Variants in CD34 observed in about 807,000 individuals in gnomAD.
CD34 encodes CD34 molecule, also known as hematopoietic progenitor cell antigen CD34.
Under a neutral mutation model 40.1 loss-of-function variants are expected in CD34, and 34 were observed. The ratio of observed to expected loss-of-function variants is 0.85; its 90% CI spans 0.65 to 1.13. The LOEUF is 1.13. Among genes scored for constraint, CD34 ranks in the 50% most tolerant of loss-of-function variants. CD34 has a pLI of 0.00. For missense variants in CD34, 426 were observed against 466.9 expected (o/e 0.91, Z 0.81); for synonymous variants, 209 against 190.0 (o/e 1.10, Z -0.82).
At position 207,888,820 on chromosome 1, in the gene CD34, T is replaced by C. The variant is rs779955915; in HGVS notation, c.834A>G (p.Gln278=). 6.2e-7 allele frequency: 1 copy of C among 1,614,164 alleles called. No individual in the cohort carries two copies. The highest frequency in any genetic ancestry group is 1.1e-5 in the South Asian group (1 of 91,084). The stretch of plus-strand genomic sequence containing the variant: ...AATAGCTCTGGTGGCTTGCAACATC[T>C]TGCTCAGTGAAATCTAGGATCCCCA... ...KKLGILDFTE[Q]DVASHQSYSQ... is the part of the protein sequence containing the mutation. The change falls in exon 7 of 8, where the codon CAA becomes CAG. Residue 278 remains glutamine, a synonymous_variant. Coordinates refer to ENST00000310833, the MANE Select transcript of CD34 (RefSeq NM_001025109.2).
intron 1 of CD34, among the ~76,000 whole-genome samples, chr1:207,905,459 C>T (rs1287395106): frequency 3.9e-5 from 6 of 152,220 alleles, no homozygotes; most frequent in Non-Finnish European, 5.9e-5. Flanking sequence ...CTAAAAGTGT[C>T]GTAAGATAAG....
rs1291322523 is a variant in CD34, at chr1:207,888,772, C to T, written c.882G>A (p.Leu294=). ...CAGCCAGCAGGGCTCCCGAGGTGAC[C>T]AGTGCAATCAGGGTCTTTTGGGAAT... ...QSYSQKTLIA[L]VTSGALLAVL... The change falls in exon 7 of 8, where the codon CTG becomes CTA. Residue 294 remains leucine (L), a synonymous_variant. Transcript: ENST00000310833. The T allele has an allele frequency of 2.5e-6, 4 of 1,614,214 alleles. No individual in the cohort carries two copies. Among genetic ancestry groups the T allele is most frequent in the Non-Finnish European group, 3.4e-6 (4 of 1,180,032 alleles).
intron 1 of CD34, among the ~76,000 whole-genome samples, chr1:207,903,289 T>G (rs1662314183): frequency 6.6e-6 from 1 of 152,194 alleles, no homozygotes; most frequent in Non-Finnish European, 1.5e-5. Context: ...CTGACCTTTC[T>G]TTATCTGACC....
chr1:207,889,341 C>T, intron 5 of CD34, 124 bp downstream of exon 5: 1 of 1,541,022 alleles, frequency 6.5e-7, no homozygotes, highest in Non-Finnish European at 8.8e-7. Flanking sequence ...GCTCCCAAAG[C>T]CAGCCAAGTC....
chr1:207,888,571 C>T (rs1287219143), intron 7 of CD34, 111 bp downstream of exon 7: 5 of 1,057,384 alleles, frequency 4.7e-6, no homozygotes, highest in Non-Finnish European at 7.1e-6. Context: ...TTTATGTAAG[C>T]TCACAGAAGG....
intron 3 of CD34, among the ~76,000 whole-genome samples, chr1:207,898,603 G>A (rs1662201635): frequency 6.6e-6 from 1 of 152,182 alleles, no homozygotes; most frequent in Non-Finnish European, 1.5e-5. Context: ...ACCATTGTGG[G>A]AGAAGCAGCC....
chr1:207,900,344 G>C, intron 1 of CD34, among the ~76,000 whole-genome samples: 1 of 152,114 alleles, frequency 6.6e-6, no homozygotes, highest in Admixed American at 6.5e-5. Flanking sequence ...ACATTAGAAA[G>C]AAAAAAATTA....
chr1:207,896,012 C>A (rs1352513414), intron 4 of CD34, among the ~76,000 whole-genome samples: 1 of 152,110 alleles, frequency 6.6e-6, no homozygotes, highest in Non-Finnish European at 1.5e-5. Context: ...TTTTAGATGT[C>A]CTAAGTTAAA....
At chr1:207,897,440 T>G in intron 4 of CD34, 53 bp downstream of exon 4, 1 of 1,280,370 alleles carries the variant, frequency 7.8e-7, no homozygotes, top group Non-Finnish European at 1.1e-6. Flanking sequence ...TCAGAAGGGA[T>G]GGAGGAAAGG....
At chr1:207,901,876 T>TA (rs968060648) in intron 1 of CD34, among the ~76,000 whole-genome samples, 8 of 152,290 alleles carry the variant, frequency 5.3e-5, no homozygotes, top group African/African-American at 1.9e-4. Context: ...CAGGCCACCC[T>TA]AAAGCTTGTC....
intron 1 of CD34, among the ~76,000 whole-genome samples, chr1:207,900,349 A>C (rs546235572): frequency 6.6e-6 from 1 of 152,292 alleles, no homozygotes; most frequent in African/African-American, 2.4e-5. Context: ...AGAAAGAAAA[A>C]AATTATAAAA....
chr1:207,897,011 G>T (rs1662164071), intron 4 of CD34, among the ~76,000 whole-genome samples: 1 of 151,970 alleles, frequency 6.6e-6, no homozygotes, highest in Non-Finnish European at 1.5e-5. Context: ...CGGTTACATG[G>T]AAAATATAAC....
chr1:207,894,010 A>G (rs1375224799), intron 4 of CD34, among the ~76,000 whole-genome samples: 1 of 152,242 alleles, frequency 6.6e-6, no homozygotes, highest in Non-Finnish European at 1.5e-5. Flanking sequence ...CAAAAATTCA[A>G]AAATAGAATT....
In CD34 at chr1:207,889,612, T is replaced by G; in HGVS notation, c.607A>C (p.Lys203Gln). 1 of 1,612,560 alleles carries G rather than the reference T, an allele frequency of 6.2e-7. No homozygotes were observed. The highest frequency in any genetic ancestry group is 1.1e-5 in the South Asian group (1 of 90,824). Residue 203 changes from lysine to glutamine, a missense_variant, in exon 5 of 8, where the codon AAG becomes CAG. Transcript: ENST00000310833. The stretch of plus-strand genomic sequence containing the variant: ...GCCAGGCCCTCTCCCCTGTCCTTCT[T>G]AAACTCCGCCTGGGAAGACAGAGAA... ...QNKTSSCAEFKKDRGEGLARV... is the reference protein window; with the variant it reads ...QNKTSSCAEFQKDRGEGLARV...
In CD34 at chr1:207,899,070, G is replaced by A. The variant is rs766678767; in HGVS notation, c.419C>T (p.Pro140Leu). 17 of 1,614,240 alleles carry A rather than the reference G, an allele frequency of 1.1e-5. No homozygotes were observed. In the South Asian group the frequency reaches 1.5e-4, roughly 15 times the overall value. Residue 140 changes from proline (P) to leucine (L), a missense_variant, in exon 3 of 8, where the codon CCT (proline) becomes CTT (leucine). Transcript: ENST00000310833. ...GGTTGAAAGGTCTGAAACATTTCCA[G>A]GTGACAGGCTAGGCTTCAAGGTTGT... ...PETTLKPSLS[P>L]GNVSDLSTTS...
chr1:207,894,153 T>G (rs1662094368), intron 4 of CD34, among the ~76,000 whole-genome samples: 1 of 152,214 alleles, frequency 6.6e-6, no homozygotes, highest in Non-Finnish European at 1.5e-5. Flanking sequence ...AAAGCCCAAG[T>G]GTCCATCAAC....
At chr1:207,891,506 A>G (rs1241851821) in intron 4 of CD34, among the ~76,000 whole-genome samples, 2 of 151,684 alleles carry the variant, frequency 1.3e-5, no homozygotes, top group Non-Finnish European at 2.9e-5. Flanking sequence ...ACACAGGGAA[A>G]CCCTATCTCT....
intron 4 of CD34, among the ~76,000 whole-genome samples, chr1:207,892,723 G>T (rs941463126): frequency 6.6e-6 from 1 of 151,944 alleles, no homozygotes; most frequent in Non-Finnish European, 1.5e-5. Context: ...CATATTCTAT[G>T]CATTGTTATT....
chr1:207,899,441 A>G (rs760730404), intron 2 of CD34, among the ~76,000 whole-genome samples: 1 of 152,206 alleles, frequency 6.6e-6, no homozygotes, highest in Non-Finnish European at 1.5e-5. Flanking sequence ...ACTGAAATAG[A>G]TGCTGGTCTA....
Sources: allele counts gnomAD v4.1 joint callset (sites outside exome capture counted in the v4.1 genomes callset), GRCh38; gene constraint gnomAD v4.1.1; transcripts MANE v1.5; gene names NCBI Gene and HGNC (gene_info 2026-07-23, HGNC 2026-07-21).